The following PLCXD3 variants were observed in gnomAD, a reference collection of about 807,000 sequenced individuals.
PLCXD3 encodes phosphatidylinositol specific phospholipase C X domain containing 3, also known as PI-PLC X domain-containing protein 3.
A neutral mutation model predicts 25.5 loss-of-function variants in PLCXD3; 19 were observed. The observed-to-expected ratio is 0.75, with a 90% confidence interval of 0.52 to 1.09. The LOEUF is 1.09. PLCXD3 is among the 50% of genes least tolerant of loss of function. PLCXD3 has a pLI of 0.00. For synonymous variants in PLCXD3, 174 were observed against 137.6 expected, an observed-to-expected ratio of 1.26 and a Z score of -1.85; for missense variants, 411 against 388.1, an observed-to-expected ratio of 1.06 and a Z score of -0.50.
intron 1 of PLCXD3, among the ~76,000 whole-genome samples, chr5:41,483,497 T>A (rs1016879792): frequency 6.6e-6 from 1 of 152,182 alleles, no homozygotes. Flanking sequence ...ATATGCTATA[T>A]CTTCGTAATA....
At chr5:41,362,708 T>C (rs1168781670) in intron 2 of PLCXD3, among the ~76,000 whole-genome samples, 1 of 152,230 alleles carries the variant, frequency 6.6e-6, no homozygotes, top group Admixed American at 6.5e-5. Context: ...GTAGACATTT[T>C]ATTTCGCTTT....
At chr5:41,326,585 A>G (rs980681502) in intron 2 of PLCXD3, among the ~76,000 whole-genome samples, 4 of 151,946 alleles carry the variant, frequency 2.6e-5, no homozygotes, top group African/African-American at 9.7e-5. Context: ...TTTCATGCTT[A>G]TGTATTTTTT....
At chr5:41,473,308 CA>C (rs1003829492) in intron 1 of PLCXD3, among the ~76,000 whole-genome samples, 2 of 152,064 alleles carry the variant, frequency 1.3e-5, no homozygotes, top group Non-Finnish European at 2.9e-5. Flanking sequence ...TAGCACAAAA[CA>C]AAGTAATGAC....
At chr5:41,470,174 G>A (rs1748118896) in intron 1 of PLCXD3, among the ~76,000 whole-genome samples, 1 of 152,140 alleles carries the variant, frequency 6.6e-6, no homozygotes, top group African/African-American at 2.4e-5. Flanking sequence ...AACAAAGGGG[G>A]GTGGCAGTTA....
At chr5:41,488,987 G>C (rs1183998486) in intron 1 of PLCXD3, among the ~76,000 whole-genome samples, 2 of 152,174 alleles carry the variant, frequency 1.3e-5, no homozygotes, top group East Asian at 1.9e-4. Flanking sequence ...TGGTGTTTTA[G>C]ACATGAAGTC....
intron 1 of PLCXD3, among the ~76,000 whole-genome samples, chr5:41,391,988 G>A (rs554776293): frequency 1.3e-5 from 2 of 152,260 alleles, no homozygotes; most frequent in South Asian, 2.1e-4. Context: ...AGAGGGAAGA[G>A]TGGCAAGGAC....
chr5:41,362,963 A>G (rs1017677819), intron 2 of PLCXD3, among the ~76,000 whole-genome samples: 1 of 152,206 alleles, frequency 6.6e-6, no homozygotes, highest in Admixed American at 6.5e-5. Flanking sequence ...TAGTATTTAG[A>G]CATCATATGA....
chr5:41,430,940 G>A (rs1371390769), intron 1 of PLCXD3, among the ~76,000 whole-genome samples: 1 of 152,120 alleles, frequency 6.6e-6, no homozygotes, highest in Non-Finnish European at 1.5e-5. Flanking sequence ...AACTAATTTG[G>A]AAAAGTATTC....
intron 2 of PLCXD3, among the ~76,000 whole-genome samples, chr5:41,362,075 C>G (rs1054453669): frequency 6.6e-6 from 1 of 152,148 alleles, no homozygotes; most frequent in African/African-American, 2.4e-5. Flanking sequence ...TAGAAATATT[C>G]TGGGCAAGAA....
intron 1 of PLCXD3, among the ~76,000 whole-genome samples, chr5:41,385,890 G>A (rs7736904): frequency 1.3e-5 from 2 of 152,018 alleles, no homozygotes; most frequent in Non-Finnish European, 2.9e-5. Flanking sequence ...CCTGTTAACA[G>A]CCAATGAGTA....
intron 1 of PLCXD3, among the ~76,000 whole-genome samples, chr5:41,480,409 T>C (rs1695213665): frequency 6.6e-6 from 1 of 151,046 alleles, no homozygotes. Flanking sequence ...TTTTTTTTTT[T>C]CATTTATAAC....
chr5:41,397,550 G>A (rs1166778573), intron 1 of PLCXD3, among the ~76,000 whole-genome samples: 2 of 152,206 alleles, frequency 1.3e-5, no homozygotes, highest in Non-Finnish European at 2.9e-5. Context: ...AGTGCAGAGA[G>A]GAAATGTGGG....
intron 2 of PLCXD3, among the ~76,000 whole-genome samples, chr5:41,348,244 G>A (rs948399921): frequency 6.6e-6 from 1 of 152,062 alleles, no homozygotes; most frequent in East Asian, 1.9e-4. Flanking sequence ...TCTAATAGAC[G>A]TTCTAAATGG....
chr5:41,468,937 GTA>G (rs1190851547), intron 1 of PLCXD3, among the ~76,000 whole-genome samples: 1 of 152,122 alleles, frequency 6.6e-6, no homozygotes, highest in Non-Finnish European at 1.5e-5. Flanking sequence ...GTTGAAGAGA[GTA>G]TCATTATCTT....
Position 41,359,180 on chromosome 5 carries a change from T to C in PLCXD3, c.812+22646A>G, listed in dbSNP as rs186987961. On this transcript the variant is annotated intron_variant, in intron 2 of 2. Coordinates refer to ENST00000377801, the MANE Select transcript of PLCXD3 (RefSeq NM_001005473.3). ...CAGGGATTTGGTATGTAGTTTTCTT[T>C]TTTTGTTATGTCCTTCCCTGGTTTT... Among the ~76,000 whole-genome samples, 715 of 152,306 alleles carry C rather than the reference T, an allele frequency of 4.7e-3. 9 individuals carry two copies. The highest frequency in any genetic ancestry group is 0.016 in the African/African-American group (679 of 41,576).
At chr5:41,424,540 CA>C (rs956127836) in intron 1 of PLCXD3, among the ~76,000 whole-genome samples, 23 of 147,234 alleles carry the variant, frequency 1.6e-4, no homozygotes, top group Admixed American at 5.4e-4. Context: ...AACTCCATTT[CA>C]AAAAAAAAAT....
At chr5:41,434,243 G>A (rs1052945521) in intron 1 of PLCXD3, among the ~76,000 whole-genome samples, 8 of 152,216 alleles carry the variant, frequency 5.3e-5, no homozygotes, top group African/African-American at 1.9e-4. Flanking sequence ...TTCTGCGTGT[G>A]ATTTTGGCCA....
Position 41,342,570 on chromosome 5 carries a change from T to A in PLCXD3, c.813-28800A>T, listed in dbSNP as rs1028692441. Among the ~76,000 whole-genome samples, 3 of 152,150 alleles carry A rather than the reference T, an allele frequency of 2.0e-5. No homozygotes were observed. In the East Asian group the frequency reaches 5.8e-4, roughly 29 times the overall value. The stretch of plus-strand genomic sequence containing the variant: ...GGACATACAAAATTGTGCAGCTGAG[T>A]ACCTTCCAAAACTGAAATAAAATGT... On this transcript the variant is annotated intron_variant, in intron 2 of 2. Coordinates refer to ENST00000377801, the MANE Select transcript of PLCXD3 (RefSeq NM_001005473.3).
intron 2 of PLCXD3, among the ~76,000 whole-genome samples, chr5:41,340,410 C>T (rs545119051): frequency 4.3e-4 from 66 of 152,268 alleles, no homozygotes; most frequent in African/African-American, 1.4e-3. Context: ...GAATGCCATG[C>T]GTTCTCAGTT....
Sources: allele counts gnomAD v4.1 joint callset (sites outside exome capture counted in the v4.1 genomes callset), GRCh38; gene constraint gnomAD v4.1.1; transcripts MANE v1.5; gene names NCBI Gene and HGNC (gene_info 2026-07-23, HGNC 2026-07-21).